Variants in LSAMP observed in about 807,000 individuals in gnomAD.
LSAMP encodes limbic system-associated membrane protein.
Under a neutral mutation model 38.6 loss-of-function variants are expected in LSAMP, and 7 were observed. The observed-to-expected ratio is 0.18, with a 90% CI of 0.10 to 0.34. The LOEUF (loss-of-function observed/expected upper bound fraction) is 0.34. LSAMP is among the 10% of genes least tolerant of loss of function. The pLI is 1.00. For synonymous variants in LSAMP, 154 were observed against 166.8 expected (o/e 0.92, Z 0.59); for missense variants, 313 against 420.0 (o/e 0.75, Z 2.23).
chr3:116,268,862 G>GAACT (rs556982553), intron 1 of LSAMP, among the ~76,000 whole-genome samples: 169 of 152,106 alleles, frequency 1.1e-3, no homozygotes, highest in African/African-American at 3.8e-3. Flanking sequence ...AATAGAAATG[G>GAACT]AACTAACTTT....
intron 4 of LSAMP, among the ~76,000 whole-genome samples, chr3:115,848,336 A>G (rs929719645): frequency 6.6e-6 from 1 of 152,272 alleles, no homozygotes; most frequent in African/African-American, 2.4e-5. Flanking sequence ...AGGCATGAGA[A>G]TTGCTTGAAC....
At chr3:115,994,798 T>C (rs1939770041) in intron 3 of LSAMP, among the ~76,000 whole-genome samples, 2 of 152,134 alleles carry the variant, frequency 1.3e-5, no homozygotes, top group African/African-American at 2.4e-5. Flanking sequence ...AAAGAAACTA[T>C]AGTCAAGTTT....
intron 1 of LSAMP, among the ~76,000 whole-genome samples, chr3:116,094,205 C>T (rs1018498411): frequency 1.3e-5 from 2 of 152,134 alleles, no homozygotes; most frequent in African/African-American, 2.4e-5. Context: ...AGATTAGACT[C>T]AATTAGAAAT....
rs531840065 is a variant in LSAMP at position 115,914,198 on chromosome 3, C to T, written c.515-61581G>A. Among the ~76,000 whole-genome samples, 9 of 152,274 alleles carry T rather than the reference C, an allele frequency of 5.9e-5. No homozygotes were observed. The South Asian group carries it at 6.2e-4, about 11-fold the overall frequency. On this transcript the variant is annotated intron_variant, in intron 3 of 6. Coordinates refer to ENST00000490035, the MANE Select transcript of LSAMP (RefSeq NM_002338.5). ...AAGCTCCTCTGAGCCCTCTTTGCGT[C>T]GATGTTGACTTTGCTCTGCCACCTC...
chr3:115,951,845 CAT>C (rs139707614), intron 3 of LSAMP, among the ~76,000 whole-genome samples: 26 of 149,410 alleles, frequency 1.7e-4, no homozygotes, highest in Admixed American at 2.7e-4. Context: ...TTAATAAAGT[CAT>C]ATATATATAT....
At chr3:116,307,944 C>T (rs1576497421) in intron 1 of LSAMP, among the ~76,000 whole-genome samples, 1 of 151,792 alleles carries the variant, frequency 6.6e-6, no homozygotes, top group East Asian at 1.9e-4. Context: ...CCTCAATTTC[C>T]CTATTTATAA....
intron 3 of LSAMP, among the ~76,000 whole-genome samples, chr3:115,854,462 T>G (rs1935445446): frequency 1.3e-5 from 2 of 151,730 alleles, no homozygotes; most frequent in Non-Finnish European, 2.9e-5. Context: ...TTTTGTATTT[T>G]TAGTAGAGAC....
At chr3:116,192,242 G>A (rs1710770532) in intron 1 of LSAMP, among the ~76,000 whole-genome samples, 1 of 152,172 alleles carries the variant, frequency 6.6e-6, no homozygotes, top group African/African-American at 2.4e-5. Context: ...CGATCAGTGA[G>A]AGGTAGCTTG....
intron 2 of LSAMP, among the ~76,000 whole-genome samples, chr3:116,042,072 G>A (rs1457909966): frequency 6.6e-6 from 1 of 152,090 alleles, no homozygotes; most frequent in African/African-American, 2.4e-5. Context: ...TAAGGTTATG[G>A]ATAATGTTAG....
At chr3:115,973,492 G>A (rs58509812) in intron 3 of LSAMP, among the ~76,000 whole-genome samples, 34,819 of 152,062 alleles carry the variant, frequency 0.23, 4,392 homozygotes, top group African/African-American at 0.35. Context: ...CAGCACTTTG[G>A]GAGGCTGAGG....
At chr3:116,007,576 T>A in intron 3 of LSAMP, among the ~76,000 whole-genome samples, 1 of 152,154 alleles carries the variant, frequency 6.6e-6, no homozygotes, top group East Asian at 1.9e-4. Flanking sequence ...TTCTGTGCAG[T>A]TGTTACTTCT....
intron 1 of LSAMP, among the ~76,000 whole-genome samples, chr3:116,308,421 C>A (rs559632272): frequency 6.6e-6 from 1 of 152,098 alleles, no homozygotes; most frequent in South Asian, 2.1e-4. Flanking sequence ...GTGTGACAGA[C>A]AATAATTGCT....
intron 1 of LSAMP, among the ~76,000 whole-genome samples, chr3:116,220,350 GAC>G (rs10575234): frequency 0.29 from 39,866 of 137,848 alleles, 5,354 homozygotes; most frequent in African/African-American, 0.34. Flanking sequence ...ATTTGCATAT[GAC>G]ACACACACAC....
chr3:116,246,056 C>T lies in LSAMP; in HGVS notation c.156-159500G>A, dbSNP rs187201255. 3.6e-3 allele frequency among the ~76,000 whole-genome samples: 548 copies of T among 152,166 alleles called. 1 individual carries two copies. The highest frequency in any genetic ancestry group is 0.012 in the African/African-American group (514 of 41,494). On this transcript the variant is annotated intron_variant, in intron 1 of 6. Transcript: ENST00000490035. ...TCATCCAGTCCAAACTCTTTACTTC[C>T]CAATGAGAAAAAAATGAAAAGTCAA...
chr3:116,410,508 G>A (rs937720366), intron 1 of LSAMP, among the ~76,000 whole-genome samples: 2 of 150,496 alleles, frequency 1.3e-5, no homozygotes, highest in Non-Finnish European at 3.0e-5. Context: ...TTTTTAAACT[G>A]GGAACAAACT....
chr3:115,803,732 A>G lies in LSAMP; in HGVS notation c.*6585T>C, dbSNP rs1933569252. ...TAGCCTATAATTCAAGCTTTGGGAAACTTATCCCATGAGAAATTCCTTCCA... is the reference window on the plus strand; with the variant it reads ...TAGCCTATAATTCAAGCTTTGGGAAGCTTATCCCATGAGAAATTCCTTCCA... On this transcript the variant is annotated 3_prime_UTR_variant, in exon 7 of 7. Coordinates refer to ENST00000490035, the MANE Select transcript of LSAMP (RefSeq NM_002338.5). The G allele has an allele frequency of 6.6e-6, 1 of 152,112 alleles. No homozygotes were observed. The highest frequency in any genetic ancestry group is 1.5e-5 in the Non-Finnish European group (1 of 68,024). 9.4% of individuals were successfully genotyped at this position (152,112 alleles called of 1,614,324 possible). A position where few individuals can be genotyped will look rare whatever the true frequency, so the allele number is the denominator to read the frequency against.
At chr3:115,934,015 TAAAGA>T (rs1937624965) in intron 3 of LSAMP, among the ~76,000 whole-genome samples, 1 of 152,176 alleles carries the variant, frequency 6.6e-6, no homozygotes, top group African/African-American at 2.4e-5. Flanking sequence ...ATAGCACTGA[TAAAGA>T]AAAGTTTTTG....
chr3:115,859,372 A>T, intron 3 of LSAMP, among the ~76,000 whole-genome samples: 1 of 152,216 alleles, frequency 6.6e-6, no homozygotes. Context: ...AACAAAAACA[A>T]AAACGGAGAG....
chr3:116,153,248 T>C (rs181447756), intron 1 of LSAMP, among the ~76,000 whole-genome samples: 2 of 152,160 alleles, frequency 1.3e-5, no homozygotes, highest in Admixed American at 1.3e-4. Context: ...CCCCCTATTA[T>C]CTTTTGGCTC....
Sources: gnomAD v4.1 joint callset for allele counts (sites outside exome capture counted in the v4.1 genomes callset) on GRCh38, gnomAD v4.1.1 for gene constraint, MANE v1.5 for transcripts, NCBI Gene and HGNC (gene_info 2026-07-23, HGNC 2026-07-21) for gene names.